The following NOTCH2NLB variants were observed in gnomAD, a reference collection of about 807,000 sequenced individuals.
NOTCH2NLB encodes notch homolog 2 N-terminal-like protein B.
In NOTCH2NLB, 1 loss-of-function variant was observed where a neutral mutation model predicts 14.8. The observed-to-expected ratio is 0.07, with a 90% CI of 0.02 to 0.32. The LOEUF (loss-of-function observed/expected upper bound fraction) is 0.32, where lower values mean the gene tolerates loss of function less well. Among genes scored for constraint, NOTCH2NLB ranks in the 10% least tolerant of loss-of-function variants. The pLI, the probability that NOTCH2NLB is intolerant of heterozygous loss-of-function variation, is 1.00. For missense variants in NOTCH2NLB, 11 were observed against 155.0 expected (o/e 0.07, Z 4.93); for synonymous variants, 6 against 57.5 (o/e 0.10, Z 4.05).
At chr1:148,637,954 C>T (rs1279151904) in intron 2 of NOTCH2NLB, among the ~76,000 whole-genome samples, 5 of 148,034 alleles carry the variant, frequency 3.4e-5, no homozygotes, top group Admixed American at 6.7e-5. Context: ...ACTATTCCAT[C>T]GTGTATACAT....
the NOTCH2NLB span, among the ~76,000 whole-genome samples, chr1:148,684,976 G>A: frequency 7.7e-6 from 1 of 129,776 alleles, no homozygotes; most frequent in Non-Finnish European, 1.7e-5. Context: ...TGCTATGCTT[G>A]AGATAAGCAG....
chr1:148,650,558 ATACTT>A (rs1338174691), intron 1 of NOTCH2NLB, among the ~76,000 whole-genome samples: 1 of 151,938 alleles, frequency 6.6e-6, no homozygotes, highest in African/African-American at 2.4e-5. Context: ...TTTTATTATT[ATACTT>A]TAAGTTTTAG....
chr1:148,627,720 C>T (rs1664015664), intron 2 of NOTCH2NLB, among the ~76,000 whole-genome samples: 2 of 151,468 alleles, frequency 1.3e-5, no homozygotes, highest in African/African-American at 4.8e-5. Flanking sequence ...GCCTTGACAC[C>T]CCCTCTGTTC....
In NOTCH2NLB at chr1:148,631,334, T is replaced by TGA. The variant is rs1571100408; in HGVS notation, c.77+8681_77+8682insTC. ...CTTTTCTTTCATAAAACTCTTTTCATAAAGATCAAGTAGAAGACTGTTTAG... is the reference window on the plus strand; with the variant it reads ...CTTTTCTTTCATAAAACTCTTTTCATGAAAAGATCAAGTAGAAGACTGTTTAG... On this transcript the variant is annotated intron_variant, in intron 2 of 4. Transcript: ENST00000593495. Among the ~76,000 whole-genome samples the TGA allele has an allele frequency of 4.3e-5, 4 of 93,250 alleles. No homozygotes were observed. The East Asian group carries it at 1.4e-3, about 32-fold the overall frequency. The allele number at this position is 93,250 out of a possible 152,430, so 61.2% of individuals were successfully genotyped here.
chr1:148,703,176 G>A, the NOTCH2NLB span, among the ~76,000 whole-genome samples: 4 of 47,278 alleles, frequency 8.5e-5, no homozygotes, highest in African/African-American at 2.9e-4. Flanking sequence ...TGTAGTCCCA[G>A]CTACTCGGGA....
Position 148,658,550 on chromosome 1 carries a change from C to CTTTTTTTTTTTTT in NOTCH2NLB, c.4-18474_4-18462dup. 1.8e-3 allele frequency among the ~76,000 whole-genome samples: 71 copies of CTTTTTTTTTTTTT among 38,592 alleles called. 4 individuals are homozygous for CTTTTTTTTTTTTT. The highest frequency in any genetic ancestry group is 2.6e-3 in the Non-Finnish European group (53 of 20,754). 25.3% of individuals were successfully genotyped at this position (38,592 alleles called of 152,430 possible). ...TTGCAATTAGACAGGCCCAATACCA[C>CTTTTTTTTTTTTT]TTTTTTTTTTTTTTTTTTTTTTTTT... On this transcript the variant is annotated intron_variant, in intron 1 of 4. Coordinates refer to ENST00000593495, the Ensembl canonical transcript of NOTCH2NLB.
chr1:148,627,619 C>A (rs1664011307), intron 2 of NOTCH2NLB, among the ~76,000 whole-genome samples: 1 of 151,338 alleles, frequency 6.6e-6, no homozygotes, highest in South Asian at 2.1e-4. Flanking sequence ...ACACGCTGTT[C>A]AGTCAGCCCA....
At position 148,610,892 on chromosome 1, in the gene NOTCH2NLB, CAAA is replaced by C. The variant is rs1213221121; in HGVS notation, c.338-3150_338-3148del. Among the ~76,000 whole-genome samples the C allele has an allele frequency of 3.2e-4, 11 of 34,306 alleles. No homozygotes were observed. The South Asian group carries it at 6.9e-3, about 22-fold the overall frequency. The allele number at this position is 34,306 out of a possible 152,430, so 22.5% of individuals were successfully genotyped here. On this transcript the variant is annotated intron_variant, in intron 3 of 4. Transcript: ENST00000593495. ...TGGATGACAAAGCAATACTCCATCT[CAAA>C]AAAAAAAAAAAAAAAAAAGGTGATC...
At chr1:148,600,909 ACTG>A in the NOTCH2NLB span, among the ~76,000 whole-genome samples, 1 of 149,876 alleles carries the variant, frequency 6.7e-6, no homozygotes, top group Non-Finnish European at 1.5e-5. Flanking sequence ...ATGTCAATCA[ACTG>A]ATGATGGATA....
chr1:148,600,928 AATG>A, the NOTCH2NLB span, among the ~76,000 whole-genome samples: 1 of 147,670 alleles, frequency 6.8e-6, no homozygotes, highest in Admixed American at 6.7e-5. Flanking sequence ...GGATAAATAA[AATG>A]ATAAAATGTG....
intron 1 of NOTCH2NLB, among the ~76,000 whole-genome samples, chr1:148,670,553 C>CACATATAT: frequency 9.6e-6 from 1 of 104,242 alleles, no homozygotes; most frequent in African/African-American, 3.5e-5. Flanking sequence ...TATATATATA[C>CACATATAT]ATATATATAT....
rs1339775177 is a variant in NOTCH2NLB, at chr1:148,613,035, TTC to T, written c.337+2654_337+2655del. 1.1e-4 allele frequency among the ~76,000 whole-genome samples: 15 copies of T among 136,188 alleles called. 1 individual carries two copies. The highest frequency in any genetic ancestry group is 7.1e-4 in the South Asian group (3 of 4,196). 89.3% of individuals were successfully genotyped at this position (136,188 alleles called of 152,430 possible). ...TGTAATTGTCCTCAGTATTTCCTCC[TTC>T]TTTTATTAAAAACATGTCTGTGCTT... On this transcript the variant is annotated intron_variant, in intron 3 of 4. Transcript: ENST00000593495.
chr1:148,648,144 T>C (rs1664412339), intron 1 of NOTCH2NLB, among the ~76,000 whole-genome samples: 1 of 143,550 alleles, frequency 7.0e-6, no homozygotes. Flanking sequence ...ATTGAACTCA[T>C]TGCAAAAAAA....
At chr1:148,637,542 T>C (rs1229471746) in intron 2 of NOTCH2NLB, among the ~76,000 whole-genome samples, 1 of 147,674 alleles carries the variant, frequency 6.8e-6, no homozygotes, top group East Asian at 1.9e-4. Flanking sequence ...CTCTGTATGG[T>C]ATTACCACCC....
intron 1 of NOTCH2NLB, among the ~76,000 whole-genome samples, chr1:148,670,545 TATATATAC>T (rs1230468538): frequency 0.011 from 1,071 of 101,618 alleles, 11 homozygotes; most frequent in African/African-American, 0.03. Context: ...AAAAAATATA[TATATATAC>T]ATATATATAT....
chr1:148,670,578 A>ATATATATATAT (rs1664757158), intron 1 of NOTCH2NLB, among the ~76,000 whole-genome samples: 1 of 135,150 alleles, frequency 7.4e-6, no homozygotes, highest in Non-Finnish European at 1.6e-5. Context: ...ATATATATAT[A>ATATATATATAT]AATAAATCAA....
At chr1:148,637,985 T>C (rs2149616457) in intron 2 of NOTCH2NLB, among the ~76,000 whole-genome samples, 1 of 147,940 alleles carries the variant, frequency 6.8e-6, no homozygotes, top group East Asian at 1.9e-4. Context: ...CTTTATCCAG[T>C]CTATCACCGT....
chr1:148,610,321 GAGAGAA>G (rs1264964998), intron 3 of NOTCH2NLB, among the ~76,000 whole-genome samples: 3 of 70,460 alleles, frequency 4.3e-5, no homozygotes, highest in African/African-American at 2.0e-4. Flanking sequence ...GAGAGAAAGA[GAGAGAA>G]AGAAAGAAAG....
chr1:148,703,279 G>T, the NOTCH2NLB span, among the ~76,000 whole-genome samples: 1 of 131,258 alleles, frequency 7.6e-6, no homozygotes, highest in Admixed American at 8.3e-5. Context: ...AACAGAGCAA[G>T]ACTCTGTCTC....
Sources: allele counts gnomAD v4.1 joint callset (sites outside exome capture counted in the v4.1 genomes callset), GRCh38; gene constraint gnomAD v4.1.1; transcripts MANE v1.5; gene names NCBI Gene and HGNC (gene_info 2026-07-23, HGNC 2026-07-21).